SEMA3A: variants seen among roughly 807,000 people sequenced by gnomAD.
The protein encoded by SEMA3A is semaphorin-3A.
Under a neutral mutation model 97.9 loss-of-function variants are expected in SEMA3A, and 29 were observed. The observed-to-expected ratio is 0.30, with a 90% CI of 0.22 to 0.40. The LOEUF (loss-of-function observed/expected upper bound fraction) is 0.40, where lower values mean the gene tolerates loss of function less well. Among genes scored for constraint, SEMA3A ranks in the 10% least tolerant of loss-of-function variants. The pLI is 1.00. For missense variants in SEMA3A, 763 were observed against 951.3 expected, an observed-to-expected ratio of 0.80 and a Z score of 2.60; for synonymous variants, 321 against 323.7, an observed-to-expected ratio of 0.99 and a Z score of 0.09.
chr7:83,985,410 T>C (rs762698114), intron 13 of SEMA3A, 26 bp downstream of exon 13: 28 of 1,536,324 alleles, frequency 1.8e-5, no homozygotes, highest in Non-Finnish European at 2.3e-5. Context: ...TATTGGATAT[T>C]CAATGGTAAT....
intron 1 of SEMA3A, among the ~76,000 whole-genome samples, chr7:84,444,059 GT>G: frequency 6.6e-6 from 1 of 151,474 alleles, no homozygotes; most frequent in Non-Finnish European, 1.5e-5. Context: ...GCTAATTTTT[GT>G]ATTTTAGTAG....
At chr7:84,001,378 G>A (rs1790443941) in intron 12 of SEMA3A, among the ~76,000 whole-genome samples, 1 of 148,852 alleles carries the variant, frequency 6.7e-6, no homozygotes, top group East Asian at 2.0e-4. Context: ...GGCCATCTGT[G>A]ATTCAGGATA....
At chr7:84,387,614 G>T (rs918616756) in intron 1 of SEMA3A, among the ~76,000 whole-genome samples, 55 of 151,980 alleles carry the variant, frequency 3.6e-4, no homozygotes, top group African/African-American at 1.3e-3. Context: ...TCTTTTCATT[G>T]GAAACTGGTT....
At chr7:84,470,111 C>T (rs2715035) in intron 1 of SEMA3A, among the ~76,000 whole-genome samples, 5 of 151,604 alleles carry the variant, frequency 3.3e-5, no homozygotes, top group African/African-American at 1.2e-4. Context: ...TAAATTTATT[C>T]GTAGATAATC....
Position 84,110,469 on chromosome 7 carries a change from C to A in SEMA3A, c.453+1G>T, listed in dbSNP as rs1334397880. 1 of 1,613,768 alleles carries A rather than the reference C, an allele frequency of 6.2e-7. No individual in the cohort carries two copies. The highest frequency in any genetic ancestry group is 8.5e-7 in the Non-Finnish European group (1 of 1,179,792). ...TATAATTTTTAAAAAGCCAGCGTTA[C>A]CTCAGGATGATGTCCAATTTCAATG... On this transcript the variant is annotated splice_donor_variant, in intron 4 of 16. Transcript: ENST00000265362. LOFTEE classifies it high-confidence loss of function.
chr7:84,236,385 C>T (rs750938264), intron 3 of SEMA3A, among the ~76,000 whole-genome samples: 2 of 152,060 alleles, frequency 1.3e-5, no homozygotes, highest in African/African-American at 2.4e-5. Flanking sequence ...AATATAACCT[C>T]CTAACAGAAG....
intron 3 of SEMA3A, 104 bp from the exon 4 acceptor site, chr7:84,110,693 C>CTT (rs555689325): frequency 2.3e-4 from 239 of 1,056,908 alleles, no homozygotes; most frequent in African/African-American, 1.0e-3. Flanking sequence ...TGTTTTCTTT[C>CTT]TTTTTTTTTT....
chr7:84,112,187 C>T (rs550267148), intron 3 of SEMA3A, among the ~76,000 whole-genome samples: 23 of 152,170 alleles, frequency 1.5e-4, no homozygotes, highest in Non-Finnish European at 3.1e-4. Context: ...ACATAGGTGG[C>T]CACATACTCT....
At chr7:84,041,102 C>T (rs59023591) in intron 6 of SEMA3A, among the ~76,000 whole-genome samples, 7,732 of 151,736 alleles carry the variant, frequency 0.051, 299 homozygotes, top group East Asian at 0.19. Context: ...CTTAGAAGCC[C>T]GGAAAAAATA....
At chr7:84,078,154 A>T in intron 4 of SEMA3A, among the ~76,000 whole-genome samples, 1 of 152,072 alleles carries the variant, frequency 6.6e-6, no homozygotes, top group East Asian at 1.9e-4. Context: ...TACTTTTTAC[A>T]ATGACCATAC....
chr7:84,316,339 A>G (rs1459012259), intron 2 of SEMA3A, among the ~76,000 whole-genome samples: 1 of 152,010 alleles, frequency 6.6e-6, no homozygotes, highest in Non-Finnish European at 1.5e-5. Flanking sequence ...GCACCAATAT[A>G]AAGAGTTACT....
At chr7:84,133,935 A>G (rs886188737) in intron 2 of SEMA3A, among the ~76,000 whole-genome samples, 90 of 149,000 alleles carry the variant, frequency 6.0e-4, no homozygotes, top group Non-Finnish European at 1.2e-3. Flanking sequence ...GGTGGCAGGC[A>G]CCTGTAGTCC....
At position 83,983,237 on chromosome 7, in the gene SEMA3A, CTTTT is replaced by C. The variant is rs537368114; in HGVS notation, c.1495-1763_1495-1760del. 2.2e-3 allele frequency among the ~76,000 whole-genome samples: 331 copies of C among 148,098 alleles called. 2 individuals carry two copies. The highest frequency in any genetic ancestry group is 7.5e-3 in the African/African-American group (306 of 40,636). On this transcript the variant is annotated intron_variant, in intron 13 of 16. Transcript: ENST00000265362. ...TCCTTTTCTTTTTCTTTCTTTCTTTCTTTTCTTTCTCTTCTTTCTTTCTTTTTCT... is the reference window on the plus strand; with the variant it reads ...TCCTTTTCTTTTTCTTTCTTTCTTTCCTTTCTCTTCTTTCTTTCTTTTTCT...
chr7:84,433,752 T>A (rs1391446926), intron 1 of SEMA3A, among the ~76,000 whole-genome samples: 2 of 152,156 alleles, frequency 1.3e-5, no homozygotes, highest in African/African-American at 4.8e-5. Context: ...GTTTTCTGAC[T>A]TTTTAATGAT....
intron 3 of SEMA3A, among the ~76,000 whole-genome samples, chr7:84,125,573 A>G (rs1222016396): frequency 1.3e-5 from 2 of 152,164 alleles, no homozygotes; most frequent in Non-Finnish European, 2.9e-5. Flanking sequence ...GTGAATCTCT[A>G]AAGTCATGAT....
intron 1 of SEMA3A, among the ~76,000 whole-genome samples, chr7:84,396,847 G>A (rs1468192165): frequency 6.6e-6 from 1 of 151,806 alleles, no homozygotes; most frequent in African/African-American, 2.4e-5. Flanking sequence ...CCTTATCAAG[G>A]CAGTATTTAC....
intron 3 of SEMA3A, among the ~76,000 whole-genome samples, chr7:84,251,752 G>C (rs1394660406): frequency 6.6e-6 from 1 of 151,996 alleles, no homozygotes. Flanking sequence ...GGATTTCCTG[G>C]GTCACTGAAT....
At chr7:84,155,737 G>T (rs559846993) in intron 1 of SEMA3A, among the ~76,000 whole-genome samples, 5 of 152,246 alleles carry the variant, frequency 3.3e-5, no homozygotes, top group Admixed American at 6.5e-5. Context: ...GGTAAGAGCT[G>T]CTGAGATTTT....
chr7:83,991,898 C>T (rs1789959726), intron 12 of SEMA3A, among the ~76,000 whole-genome samples: 2 of 147,394 alleles, frequency 1.4e-5, no homozygotes, highest in South Asian at 2.2e-4. Flanking sequence ...AGGAATGGTA[C>T]CAGTTCCTCC....
Sources: gnomAD v4.1 joint callset for allele counts (sites outside exome capture counted in the v4.1 genomes callset) on GRCh38, gnomAD v4.1.1 for gene constraint, MANE v1.5 for transcripts, NCBI Gene and HGNC (gene_info 2026-07-23, HGNC 2026-07-21) for gene names.